The following SPTLC2 variants were observed in gnomAD, a reference collection of about 807,000 sequenced individuals.
The protein encoded by SPTLC2 is serine palmitoyltransferase 2.
In SPTLC2, 21 loss-of-function variants were observed where a neutral mutation model predicts 62.0. The ratio of observed to expected loss-of-function variants is 0.34; its 90% CI spans 0.24 to 0.49. The LOEUF is 0.49. Ranked by LOEUF, SPTLC2 falls within the 20% of genes least tolerant of loss-of-function variation. SPTLC2 has a pLI of 0.99. For missense variants in SPTLC2, 511 were observed against 713.0 expected (o/e 0.72, Z 3.23); for synonymous variants, 261 against 261.8 (o/e 1.00, Z 0.03).
chr14:77,585,127 C>G (rs1298276027), intron 2 of SPTLC2, among the ~76,000 whole-genome samples: 1 of 152,218 alleles, frequency 6.6e-6, no homozygotes, highest in Admixed American at 6.5e-5. Flanking sequence ...CCTAACCTCA[C>G]TGCTCTCGCC....
intron 9 of SPTLC2, among the ~76,000 whole-genome samples, chr14:77,531,953 C>T (rs1261860296): frequency 1.2e-4 from 19 of 152,162 alleles, no homozygotes; most frequent in Admixed American, 1.2e-3. Context: ...CTTGGAAAAT[C>T]ACCCAAAGTT....
chr14:77,591,452 G>A (rs145390463), intron 2 of SPTLC2, among the ~76,000 whole-genome samples: 29 of 152,236 alleles, frequency 1.9e-4, no homozygotes, highest in Non-Finnish European at 3.1e-4. Context: ...CCATTGTATC[G>A]TACACTTTAA....
intron 2 of SPTLC2, among the ~76,000 whole-genome samples, chr14:77,582,122 G>A (rs910044129): frequency 4.7e-5 from 7 of 150,510 alleles, no homozygotes; most frequent in African/African-American, 1.2e-4. Context: ...GTGTGATCTC[G>A]GCTCACTGCA....
At chr14:77,522,417 C>A (rs2079389151) in intron 9 of SPTLC2, among the ~76,000 whole-genome samples, 1 of 152,232 alleles carries the variant, frequency 6.6e-6, no homozygotes, top group African/African-American at 2.4e-5. Context: ...CCCACCTTGG[C>A]CTCCCAAAGT....
At chr14:77,580,456 C>T (rs2079742373) in intron 2 of SPTLC2, among the ~76,000 whole-genome samples, 3 of 123,362 alleles carry the variant, frequency 2.4e-5, no homozygotes, top group Admixed American at 2.1e-4. Context: ...CCAGCCTGGG[C>T]AACAGAATGA....
At chr14:77,574,639 A>G (rs2079703647) in intron 4 of SPTLC2, among the ~76,000 whole-genome samples, 1 of 152,256 alleles carries the variant, frequency 6.6e-6, no homozygotes, top group Admixed American at 6.5e-5. Flanking sequence ...TGGCACCCTC[A>G]CACAAAGGAT....
chr14:77,609,296 C>T (rs997602906), intron 1 of SPTLC2, among the ~76,000 whole-genome samples: 12 of 152,076 alleles, frequency 7.9e-5, no homozygotes, highest in Admixed American at 5.9e-4. Context: ...AACACATGGC[C>T]ATAAACAATG....
At chr14:77,588,940 T>G (rs1460217522) in intron 2 of SPTLC2, among the ~76,000 whole-genome samples, 6 of 124,406 alleles carry the variant, frequency 4.8e-5, no homozygotes, top group African/African-American at 1.9e-4. Flanking sequence ...GAGGCTGCAG[T>G]GAGCTGAGAT....
chr14:77,561,326 G>C (rs1158644511), intron 6 of SPTLC2, among the ~76,000 whole-genome samples: 9 of 152,058 alleles, frequency 5.9e-5, no homozygotes. Context: ...ATTGTAAAAA[G>C]AGGCCAGGCA....
At chr14:77,540,729 C>T (rs1049044761) in intron 9 of SPTLC2, among the ~76,000 whole-genome samples, 6 of 152,182 alleles carry the variant, frequency 3.9e-5, no homozygotes, top group African/African-American at 1.4e-4. Context: ...CCACCTTAGA[C>T]TCCCAAAGTG....
chr14:77,553,522 GA>G (rs1438263910), intron 8 of SPTLC2, among the ~76,000 whole-genome samples: 1 of 152,024 alleles, frequency 6.6e-6, no homozygotes, highest in Non-Finnish European at 1.5e-5. Flanking sequence ...ACGAGGTCAA[GA>G]GATCGAGACC....
intron 9 of SPTLC2, among the ~76,000 whole-genome samples, chr14:77,525,792 T>C (rs933636926): frequency 4.6e-5 from 7 of 152,046 alleles, no homozygotes; most frequent in Non-Finnish European, 1.0e-4. Context: ...TGGGCGCCTG[T>C]AGTCCCAGCT....
intron 5 of SPTLC2, among the ~76,000 whole-genome samples, chr14:77,565,903 G>A (rs146623625): frequency 4.1e-4 from 63 of 151,968 alleles, no homozygotes; most frequent in African/African-American, 1.4e-3. Flanking sequence ...GTACTCTTTT[G>A]TAACTCTTTT....
intron 1 of SPTLC2, among the ~76,000 whole-genome samples, chr14:77,600,390 G>A (rs1349453045): frequency 2.0e-5 from 3 of 152,172 alleles, no homozygotes; most frequent in Non-Finnish European, 4.4e-5. Context: ...CACGCCAACT[G>A]ACACGCGAGC....
In SPTLC2 at chr14:77,555,411, T is replaced by A. The variant is rs138865310; in HGVS notation, c.1065A>T (p.Thr355=). Residue 355 remains threonine, a synonymous_variant, in exon 8 of 12, where the codon ACA becomes ACT. Coordinates refer to ENST00000216484, the MANE Select transcript of SPTLC2 (RefSeq NM_004863.4). ...EAHSIGALGP[T]GRGVVEYFGL... is the part of the protein sequence containing the mutation. The stretch of plus-strand genomic sequence containing the variant: ...CAAAGTACTCCACCACACCCCGGCC[T>A]GTGGGGCCCAGGGCGCCAATGCTGT... 60 of 1,614,194 alleles carry A rather than the reference T, an allele frequency of 3.7e-5. 1 individual carries two copies. Among genetic ancestry groups the A allele is most frequent in the East Asian group, 2.5e-4 (11 of 44,876 alleles).
At chr14:77,584,903 T>C (rs1181042242) in intron 2 of SPTLC2, among the ~76,000 whole-genome samples, 1 of 152,224 alleles carries the variant, frequency 6.6e-6, no homozygotes, top group Non-Finnish European at 1.5e-5. Flanking sequence ...GAGAAGCACA[T>C]ACAACAGCTG....
At chr14:77,555,242 A>G in intron 8 of SPTLC2, 58 bp downstream of exon 8, 1 of 1,605,592 alleles carries the variant, frequency 6.2e-7, no homozygotes, top group African/African-American at 1.3e-5. Flanking sequence ...GGCCTGAGGT[A>G]CCAAATCTAA....
intron 6 of SPTLC2, among the ~76,000 whole-genome samples, chr14:77,557,934 T>C (rs1472051058): frequency 6.6e-6 from 1 of 152,088 alleles, no homozygotes; most frequent in East Asian, 1.9e-4. Flanking sequence ...ACACTACAGA[T>C]TTCATACTTA....
rs58847640 is a variant in SPTLC2 at position 77,552,805 on chromosome 14, TAAA to T, written c.1177-586_1177-584del. Among the ~76,000 whole-genome samples, 554 of 130,960 alleles carry T rather than the reference TAAA, an allele frequency of 4.2e-3. 1 individual carries two copies. The highest frequency in any genetic ancestry group is 9.3e-3 in the African/African-American group (326 of 35,148). The allele number at this position is 130,960 out of a possible 152,430, so 85.9% of individuals were successfully genotyped here. Reference sequence around the variant, plus strand: ...TGGGGGACAGAGTGAGACTCCGTCTTAAAAAAAAAAAAAAAAAAAAAGTTAAAA... The same window carrying T: ...TGGGGGACAGAGTGAGACTCCGTCTTAAAAAAAAAAAAAAAAAAGTTAAAA... On this transcript the variant is annotated intron_variant, in intron 8 of 11. Coordinates refer to ENST00000216484, the MANE Select transcript of SPTLC2 (RefSeq NM_004863.4).
Sources: gnomAD v4.1 joint callset for allele counts (sites outside exome capture counted in the v4.1 genomes callset) on GRCh38, gnomAD v4.1.1 for gene constraint, MANE v1.5 for transcripts, NCBI Gene and HGNC (gene_info 2026-07-23, HGNC 2026-07-21) for gene names.